Variants in TDRD5 observed in about 807,000 individuals in gnomAD.
TDRD5 encodes tudor domain-containing protein 5.
In TDRD5, 41 loss-of-function variants were observed where a neutral mutation model predicts 120.6. That is an observed-to-expected ratio of 0.34 (90% CI 0.26 to 0.44). TDRD5 has a LOEUF of 0.44. Among genes scored for constraint, TDRD5 ranks in the 20% least tolerant of loss-of-function variants. The probability of loss-of-function intolerance (pLI) is 1.00; values close to 1 mark genes in which losing one functional copy is unlikely to be tolerated. For synonymous variants in TDRD5, 430 were observed against 433.7 expected (o/e 0.99, Z 0.11); for missense variants, 1,006 against 1,221.2 (o/e 0.82, Z 2.63).
chr1:179,667,934 A>G (rs1457195731), intron 16 of TDRD5, among the ~76,000 whole-genome samples: 2 of 152,222 alleles, frequency 1.3e-5, no homozygotes, highest in East Asian at 1.9e-4. Context: ...TATGAGCCAG[A>G]AAAACAAGCC....
intron 6 of TDRD5, among the ~76,000 whole-genome samples, chr1:179,628,551 C>G (rs1260440633): frequency 6.6e-6 from 1 of 151,582 alleles, no homozygotes; most frequent in East Asian, 1.9e-4. Flanking sequence ...AGCAGTCCCT[C>G]CTGCCTCAGC....
At chr1:179,625,865 C>CTT (rs1425546034) in intron 6 of TDRD5, among the ~76,000 whole-genome samples, 1 of 151,996 alleles carries the variant, frequency 6.6e-6, no homozygotes, top group East Asian at 1.9e-4. Flanking sequence ...ACATATACAC[C>CTT]ATGGAATACT....
intron 17 of TDRD5, among the ~76,000 whole-genome samples, chr1:179,688,399 TG>T (rs143360643): frequency 0.3 from 44,945 of 152,156 alleles, 7,529 homozygotes; most frequent in Admixed American, 0.4. Context: ...TTGTAGAGTT[TG>T]TGCAGAGAGA....
At chr1:179,614,738 C>T (rs554587438) in intron 4 of TDRD5, among the ~76,000 whole-genome samples, 3 of 151,678 alleles carry the variant, frequency 2.0e-5, no homozygotes, top group African/African-American at 7.3e-5. Context: ...TTGTGACACT[C>T]GGGGGAGGGG....
intron 14 of TDRD5, among the ~76,000 whole-genome samples, chr1:179,660,894 T>C (rs970349936): frequency 1.3e-5 from 2 of 152,184 alleles, no homozygotes; most frequent in African/African-American, 4.8e-5. Flanking sequence ...GAATTCTGTT[T>C]TCTTTATTGA....
At chr1:179,675,273 A>ATT (rs1172444253) in intron 17 of TDRD5, among the ~76,000 whole-genome samples, 1,740 of 66,174 alleles carry the variant, frequency 0.026, 42 homozygotes, top group South Asian at 0.037. Flanking sequence ...TATTATTATT[A>ATT]TTTTTTTTTT....
chr1:179,685,603 A>T (rs1173690500), intron 17 of TDRD5, among the ~76,000 whole-genome samples: 1 of 152,112 alleles, frequency 6.6e-6, no homozygotes, highest in Non-Finnish European at 1.5e-5. Flanking sequence ...TTTGATGGGG[A>T]TGGCATTGAC....
chr1:179,685,968 TC>T (rs1187381707), intron 17 of TDRD5, among the ~76,000 whole-genome samples: 1 of 152,196 alleles, frequency 6.6e-6, no homozygotes, highest in Non-Finnish European at 1.5e-5. Flanking sequence ...TTTCTAAATA[TC>T]CAATCTTGTC....
chr1:179,650,948 G>A lies in TDRD5; in HGVS notation c.1882G>A (p.Val628Ile). ...KPLVGVVDEY[V>I]DGILNIFLCD... ...ATTAGTGGGGGTAGTGGATGAATATGTAGATGGAATCCTTAACATTTTTTT... is the reference window on the plus strand; with the variant it reads ...ATTAGTGGGGGTAGTGGATGAATATATAGATGGAATCCTTAACATTTTTTT... Residue 628 changes from valine to isoleucine, a missense_variant, in exon 12 of 18, where the codon GTA (valine) becomes ATA (isoleucine). Val to Ile is a conservative substitution (Grantham distance 29, BLOSUM62 3). Coordinates refer to ENST00000444136, the MANE Select transcript of TDRD5 (RefSeq NM_001199085.3). 6.2e-7 allele frequency: 1 copy of A among 1,614,172 alleles called. No individual in the cohort carries two copies. Among genetic ancestry groups the A allele is most frequent in the African/African-American group, 1.3e-5 (1 of 75,046 alleles).
chr1:179,659,590 T>TGTGC lies in TDRD5; in HGVS notation c.2323-2513_2323-2512insTGCG, dbSNP rs1222748814. ...GTGTGTGTGTGTGTGTGTGTGTGTG[T>TGTGC]GCGCGCGCTTGCCTGGTATATTTTT... On this transcript the variant is annotated intron_variant, in intron 14 of 17. Transcript: ENST00000444136. 7.7e-4 allele frequency among the ~76,000 whole-genome samples: 52 copies of TGTGC among 67,156 alleles called. 1 individual carries two copies. The highest frequency in any genetic ancestry group is 1.9e-3 in the African/African-American group (46 of 24,504). 44.1% of individuals were successfully genotyped at this position (67,156 alleles called of 152,430 possible). A position where few individuals can be genotyped will look rare whatever the true frequency, so the allele number is the denominator to read the frequency against.
At chr1:179,661,665 T>A (rs1281911746) in intron 14 of TDRD5, among the ~76,000 whole-genome samples, 4 of 152,206 alleles carry the variant, frequency 2.6e-5, no homozygotes, top group Non-Finnish European at 5.9e-5. Flanking sequence ...TATCTGGAGA[T>A]CTAAGTCCTG....
intron 9 of TDRD5, among the ~76,000 whole-genome samples, chr1:179,636,189 C>T (rs1404579653): frequency 1.3e-5 from 2 of 152,022 alleles, no homozygotes; most frequent in Non-Finnish European, 2.9e-5. Context: ...TTCATATTTG[C>T]TTCTGCATTT....
intron 14 of TDRD5, among the ~76,000 whole-genome samples, chr1:179,656,910 G>A (rs1470992232): frequency 3.9e-5 from 6 of 152,100 alleles, no homozygotes; most frequent in African/African-American, 9.7e-5. Flanking sequence ...AAAACTAGCC[G>A]AGTGTGGTGG....
intron 16 of TDRD5, among the ~76,000 whole-genome samples, chr1:179,667,732 C>T (rs571628963): frequency 1.3e-5 from 2 of 152,250 alleles, no homozygotes; most frequent in African/African-American, 4.8e-5. Flanking sequence ...CCTGAAATAA[C>T]ATCTTGTATG....
Position 179,687,220 on chromosome 1 carries a change from C to T in TDRD5, c.2861-3476C>T, listed in dbSNP as rs1274747401. 2.6e-5 allele frequency among the ~76,000 whole-genome samples: 4 copies of T among 152,178 alleles called. No individual in the cohort carries two copies. The East Asian group carries it at 7.7e-4, about 29-fold the overall frequency. ...CCTCTACACACTGCTTTAAATGTGTCCCAGAGATTCTGGTATGTTGTGTCT... is the reference window on the plus strand; with the variant it reads ...CCTCTACACACTGCTTTAAATGTGTTCCAGAGATTCTGGTATGTTGTGTCT... On this transcript the variant is annotated intron_variant, in intron 17 of 17. Coordinates refer to ENST00000444136, the MANE Select transcript of TDRD5 (RefSeq NM_001199085.3).
intron 4 of TDRD5, among the ~76,000 whole-genome samples, chr1:179,612,465 G>A (rs1676333272): frequency 6.6e-6 from 1 of 152,174 alleles, no homozygotes; most frequent in South Asian, 2.1e-4. Flanking sequence ...TTTCTAGTGG[G>A]TGAAGCCTCA....
intron 4 of TDRD5, among the ~76,000 whole-genome samples, chr1:179,616,867 G>A (rs1249911842): frequency 2.0e-5 from 3 of 152,108 alleles, no homozygotes; most frequent in East Asian, 1.9e-4. Flanking sequence ...TAAGTGCCCT[G>A]AGAGGAATTA....
At position 179,592,756 on chromosome 1, in the gene TDRD5, C is replaced by A. The variant is rs137857943; in HGVS notation, c.141C>A (p.Ile47=). 1.7e-4 allele frequency: 278 copies of A among 1,614,026 alleles called. No individual in the cohort carries two copies. The highest frequency in any genetic ancestry group is 2.1e-4 in the Non-Finnish European group (252 of 1,180,048). The change falls in exon 2 of 18, where the codon ATC becomes ATA. Residue 47 remains isoleucine, a synonymous_variant. Transcript: ENST00000444136. The stretch of plus-strand genomic sequence containing the variant: ...TTGGCAACCATCTACCACTCCGAAT[C>A]CTTGGGTATCGGTCCACTATGGAGC... ...LMVGNHLPLR[I]LGYRSTMELV...
In TDRD5 at chr1:179,632,793, G is replaced by T. The variant is rs552783818; in HGVS notation, c.1127-1664G>T. Among the ~76,000 whole-genome samples the T allele has an allele frequency of 2.7e-3, 418 of 152,148 alleles. 3 individuals are homozygous for T. Among genetic ancestry groups the T allele is most frequent in the African/African-American group, 9.5e-3 (395 of 41,514 alleles). On this transcript the variant is annotated intron_variant, in intron 7 of 17. Transcript: ENST00000444136. Reference sequence around the variant, plus strand: ...TAAATACAAATTTTCCTCAACTTATGATGGGGTTCTATCCCAATAAACCCA... The same window carrying T: ...TAAATACAAATTTTCCTCAACTTATTATGGGGTTCTATCCCAATAAACCCA...
Sources: allele counts gnomAD v4.1 joint callset (sites outside exome capture counted in the v4.1 genomes callset), GRCh38; gene constraint gnomAD v4.1.1; transcripts MANE v1.5; gene names NCBI Gene and HGNC (gene_info 2026-07-23, HGNC 2026-07-21).